Variants in BIRC6 observed in about 807,000 individuals in gnomAD.
BIRC6 encodes dual E2 ubiquitin-conjugating enzyme/E3 ubiquitin-protein ligase BIRC6.
Under a neutral mutation model 503.3 loss-of-function variants are expected in BIRC6, and 98 were observed. The observed-to-expected ratio is 0.19, with a 90% confidence interval of 0.17 to 0.23. BIRC6 has a LOEUF of 0.23. BIRC6 is among the 10% of genes least tolerant of loss of function. The pLI is 1.00. For missense variants in BIRC6, 5,360 were observed against 5,806.0 expected (o/e 0.92, Z 2.50); for synonymous variants, 2,240 against 2,078.7 (o/e 1.08, Z -2.11).
At chr2:32,513,222 C>T in intron 54 of BIRC6, 68 bp downstream of exon 54, 1 of 1,155,610 alleles carries the variant, frequency 8.7e-7, no homozygotes, top group South Asian at 1.4e-5. Context: ...CTTGATAAAA[C>T]AAAATATTTT....
intron 33 of BIRC6, 74 bp downstream of exon 33, chr2:32,473,313 C>G (rs2049312498): frequency 7.9e-7 from 1 of 1,259,150 alleles, no homozygotes; most frequent in Non-Finnish European, 1.1e-6. Context: ...ACAGATGTGC[C>G]ATCAGATGTG....
chr2:32,412,930 TA>T (rs1363136850), intron 9 of BIRC6, among the ~76,000 whole-genome samples: 2 of 152,182 alleles, frequency 1.3e-5, no homozygotes, highest in Non-Finnish European at 2.9e-5. Flanking sequence ...TAATATTTTT[TA>T]ACTCTTTAAT....
chr2:32,396,958 G>C (rs2039966822), intron 6 of BIRC6, among the ~76,000 whole-genome samples: 1 of 152,106 alleles, frequency 6.6e-6, no homozygotes, highest in South Asian at 2.1e-4. Flanking sequence ...GAACTCCTGA[G>C]CTCAGGTGAT....
At chr2:32,588,242 C>T (rs571884413) in intron 66 of BIRC6, among the ~76,000 whole-genome samples, 1 of 152,212 alleles carries the variant, frequency 6.6e-6, no homozygotes, top group Admixed American at 6.5e-5. Flanking sequence ...GTAATCTCAG[C>T]TACTCAGGAG....
At chr2:32,471,431 A>T (rs1176281690) in intron 32 of BIRC6, among the ~76,000 whole-genome samples, 1 of 152,212 alleles carries the variant, frequency 6.6e-6, no homozygotes, top group Admixed American at 6.5e-5. Flanking sequence ...CATGCATGTA[A>T]GTGAGTTATG....
rs1221150061 is a variant in BIRC6, at chr2:32,525,029, C to A, written c.11755+10C>A. 9 of 1,494,004 alleles carry A rather than the reference C, an allele frequency of 6.0e-6. No homozygotes were observed. In the African/African-American group the frequency reaches 1.3e-4, roughly 21 times the overall value. 92.5% of individuals were successfully genotyped at this position (1,494,004 alleles called of 1,614,324 possible). On this transcript the variant is annotated intron_variant, in intron 58 of 73. Coordinates refer to ENST00000421745, the MANE Select transcript of BIRC6 (RefSeq NM_016252.4). ...GTTGTTGTTGCCTCTGGTATGCTTT[C>A]TATTTTTTATAATCTTGATTTTGTT...
chr2:32,357,561 C>G lies in BIRC6; in HGVS notation c.325+75C>G. ...CCAGCCCCGGGGCTCGGCCTCGCGACTCGGGGAAGCGAGATGGCGAGAGGG... is the reference window on the plus strand; with the variant it reads ...CCAGCCCCGGGGCTCGGCCTCGCGAGTCGGGGAAGCGAGATGGCGAGAGGG... On this transcript the variant is annotated intron_variant, in intron 1 of 73. Coordinates refer to ENST00000421745, the MANE Select transcript of BIRC6 (RefSeq NM_016252.4). The surrounding 1 kb of genome is among the most constrained non-coding windows in gnomAD (Gnocchi z 4.9). The G allele has an allele frequency of 1.3e-6, 2 of 1,502,440 alleles. No homozygotes were observed. The highest frequency in any genetic ancestry group is 1.8e-6 in the Non-Finnish European group (2 of 1,130,580). 93.1% of individuals were successfully genotyped at this position (1,502,440 alleles called of 1,614,324 possible).
chr2:32,583,241 A>G (rs1316796051), intron 66 of BIRC6, among the ~76,000 whole-genome samples: 5 of 152,198 alleles, frequency 3.3e-5, no homozygotes, highest in Admixed American at 6.5e-5. Flanking sequence ...AAAGTTGACA[A>G]TTCTTTAGGC....
At chr2:32,574,130 A>G (rs1442179273) in intron 65 of BIRC6, among the ~76,000 whole-genome samples, 1 of 149,122 alleles carries the variant, frequency 6.7e-6, no homozygotes, top group East Asian at 2.0e-4. Flanking sequence ...ACCAACCCCC[A>G]CATATTTGAG....
chr2:32,490,467 G>A (rs1017147791), intron 43 of BIRC6, among the ~76,000 whole-genome samples: 1 of 152,136 alleles, frequency 6.6e-6, no homozygotes, highest in East Asian at 1.9e-4. Flanking sequence ...CCTGGAAGGC[G>A]AAGTTTGCAG....
At chr2:32,509,171 A>T (rs1215262986) in intron 51 of BIRC6, among the ~76,000 whole-genome samples, 1 of 152,208 alleles carries the variant, frequency 6.6e-6, no homozygotes, top group Non-Finnish European at 1.5e-5. Flanking sequence ...AATTGCATGT[A>T]AAAGAAAGTT....
At chr2:32,412,497 C>CA (rs148934754) in intron 9 of BIRC6, among the ~76,000 whole-genome samples, 3,358 of 145,104 alleles carry the variant, frequency 0.023, 123 homozygotes, top group African/African-American at 0.08. Flanking sequence ...GACTTTGTCT[C>CA]AAAAAAAACA....
intron 59 of BIRC6, chr2:32,527,267 T>G (rs1410462408): frequency 6.6e-6 from 1 of 152,234 alleles, no homozygotes; most frequent in Non-Finnish European, 1.5e-5. Flanking sequence ...TTGTATGTAC[T>G]GCCCATAAGC....
intron 17 of BIRC6, 88 bp from the exon 18 acceptor site, chr2:32,441,977 A>G (rs1306637780): frequency 2.0e-6 from 2 of 987,850 alleles, no homozygotes; most frequent in Non-Finnish European, 2.8e-6. Flanking sequence ...CATGAATTAA[A>G]ATTAAACATT....
intron 10 of BIRC6, among the ~76,000 whole-genome samples, chr2:32,418,769 A>G (rs945677815): frequency 6.6e-6 from 1 of 152,186 alleles, no homozygotes; most frequent in Admixed American, 6.5e-5. Context: ...TATTTAAGTT[A>G]TTAAGTTTTT....
At chr2:32,380,651 A>G (rs1007940990) in intron 3 of BIRC6, among the ~76,000 whole-genome samples, 1 of 152,086 alleles carries the variant, frequency 6.6e-6, no homozygotes, top group East Asian at 1.9e-4. Flanking sequence ...ACTTGAACCC[A>G]GGAGGCGGAG....
At chr2:32,379,279 A>T (rs951853318) in intron 2 of BIRC6, 2 of 152,200 alleles carry the variant, frequency 1.3e-5, no homozygotes, top group Non-Finnish European at 2.9e-5. Context: ...CCATTTGAAA[A>T]AATTGAACAT....
chr2:32,518,735 C>T (rs920251475), intron 56 of BIRC6, 82 bp from the exon 57 acceptor site: 8 of 1,435,702 alleles, frequency 5.6e-6, no homozygotes, highest in Non-Finnish European at 7.6e-6. Flanking sequence ...GTATTTTATT[C>T]TTAGATGCTT....
intron 72 of BIRC6, 30 bp downstream of exon 72, chr2:32,607,673 T>C (rs1476875421): frequency 2.6e-6 from 4 of 1,557,244 alleles, no homozygotes; most frequent in South Asian, 1.2e-5. Context: ...TGAAATACTT[T>C]GTTAAAGACA....
Sources: allele counts gnomAD v4.1 joint callset (sites outside exome capture counted in the v4.1 genomes callset), GRCh38; gene constraint gnomAD v4.1.1; non-coding constraint Gnocchi (gnomAD v3.1); transcripts MANE v1.5; gene names NCBI Gene and HGNC (gene_info 2026-07-23, HGNC 2026-07-21).